The following GNAS variants were observed in gnomAD, a reference collection of about 807,000 sequenced individuals.
GNAS encodes protein ALEX.
In GNAS, 8 loss-of-function variants were observed where a neutral mutation model predicts 54.5. The ratio of observed to expected loss-of-function variants is 0.15; its 90% CI spans 0.09 to 0.26. The LOEUF (loss-of-function observed/expected upper bound fraction) is 0.26, where lower values mean the gene tolerates loss of function less well. Ranked by LOEUF, GNAS falls within the 10% of genes least tolerant of loss-of-function variation. GNAS has a pLI of 1.00. For missense variants in GNAS, 170 were observed against 529.8 expected (o/e 0.32, Z 6.67); for synonymous variants, 204 against 191.4 (o/e 1.07, Z -0.54).
Position 58,863,157 on chromosome 20 carries a change from C to T in GNAS, c.43+22271C>T, listed in dbSNP as rs374398933. Reference sequence around the variant, plus strand: ...GCTCTTTGAGCACACACGAGTCACACACCTTTCAAGTTAGAATCAGTGGAG... The same window carrying T: ...GCTCTTTGAGCACACACGAGTCACATACCTTTCAAGTTAGAATCAGTGGAG... On this transcript the variant is annotated intron_variant, in intron 1 of 12. Coordinates refer to the GNAS transcript ENST00000306090. This position sits in a 1 kb window ranked among gnomAD's most constrained non-coding sequence, Gnocchi z 4.1. Among the ~76,000 whole-genome samples the T allele has an allele frequency of 6.6e-6, 1 of 152,138 alleles. No homozygotes were observed. Among genetic ancestry groups the T allele is most frequent in the East Asian group, 1.9e-4 (1 of 5,190 alleles).
At position 58,910,520 on chromosome 20, in the gene GNAS, C is replaced by T; in HGVS notation, c.1038+119C>T. The T allele has an allele frequency of 8.8e-7, 1 of 1,130,306 alleles. No individual in the cohort carries two copies. Among genetic ancestry groups the T allele is most frequent in the South Asian group, 1.3e-5 (1 of 79,658 alleles). The allele number at this position is 1,130,306 out of a possible 1,614,324, so 70.0% of individuals were successfully genotyped here. ...CCCAGTTCCATGGTTTTAGTTCACG[C>T]ACATCCAGTGTGGATTTGAGCTCTT... On this transcript the variant is annotated intron_variant, in intron 12 of 12. Transcript: ENST00000371085. The surrounding 1 kb of genome is among the most constrained non-coding windows in gnomAD (Gnocchi z 5.8).
At chr20:58,865,282 G>A (rs1238242444) in intron 1 of GNAS, among the ~76,000 whole-genome samples, 1 of 151,624 alleles carries the variant, frequency 6.6e-6, no homozygotes, top group East Asian at 2.0e-4. Flanking sequence ...GCCGGGCGTG[G>A]TGGCGGGCAC....
At chr20:58,851,538 T>G (rs909404534) in intron 1 of GNAS, among the ~76,000 whole-genome samples, 6 of 151,760 alleles carry the variant, frequency 4.0e-5, no homozygotes, top group Admixed American at 2.0e-4. Context: ...ACCTGCCGAG[T>G]TTTATGTGAC....
intron 1 of GNAS, among the ~76,000 whole-genome samples, chr20:58,849,751 C>T (rs2086081172): frequency 1.3e-5 from 2 of 152,280 alleles, no homozygotes; most frequent in East Asian, 3.9e-4. Context: ...TCTTGAGTGC[C>T]GTCCTTCAGC....
At position 58,881,426 on chromosome 20, in the gene GNAS, A is replaced by T. The variant is rs191166190; in HGVS notation, c.44-14186A>T. On this transcript the variant is annotated intron_variant, in intron 1 of 12. Transcript: ENST00000306090. ...CCTTTGCTACCAGTGGAAGGGATTG[A>T]GGAAAGCTTCCTCTGTGATAAGTCT... is the stretch of plus-strand genomic sequence containing the variant. Among the ~76,000 whole-genome samples the T allele has an allele frequency of 2.0e-5, 3 of 152,306 alleles. No individual in the cohort carries two copies. In the East Asian group the frequency reaches 5.8e-4, roughly 29 times the overall value.
At chr20:58,879,500 A>G (rs1012963593) in intron 1 of GNAS, among the ~76,000 whole-genome samples, 1 of 152,224 alleles carries the variant, frequency 6.6e-6, no homozygotes, top group Non-Finnish European at 1.5e-5. Context: ...CAAAAGTTCA[A>G]TCGTGAAAAA....
Position 58,841,914 on chromosome 20 carries a change from C to T in GNAS, c.43+1028C>T. 8.2e-7 allele frequency: 1 copy of T among 1,220,368 alleles called. No homozygotes were observed. Among genetic ancestry groups the T allele is most frequent in the Non-Finnish European group, 1.0e-6 (1 of 977,558 alleles). 75.6% of individuals were successfully genotyped at this position (1,220,368 alleles called of 1,614,324 possible). On this transcript the variant is annotated intron_variant, in intron 1 of 12. Coordinates refer to the GNAS transcript ENST00000306090. This position sits in a 1 kb window ranked among gnomAD's most constrained non-coding sequence, Gnocchi z 5.0. ...AGGGACAGGCTGGAGACGGGGGTCG[C>T]GTCTAACATCAGGATAACTTACAAT...
intron 1 of GNAS, among the ~76,000 whole-genome samples, chr20:58,875,219 G>A (rs1389384010): frequency 6.6e-6 from 1 of 152,194 alleles, no homozygotes; most frequent in Non-Finnish European, 1.5e-5. Flanking sequence ...AAGAATGCCT[G>A]AATTTTGTGT....
At chr20:58,854,109 G>A in intron 1 of GNAS, 3 of 1,612,242 alleles carry the variant, frequency 1.9e-6, no homozygotes, top group Non-Finnish European at 2.5e-6. Context: ...AGGCGCCATC[G>A]GCAGCCCATC....
chr20:58,853,537 A>C lies in GNAS; in HGVS notation c.43+12651A>C, dbSNP rs749767510. On this transcript the variant is annotated intron_variant, in intron 1 of 12. Coordinates refer to the GNAS transcript ENST00000306090. The surrounding 1 kb of genome is among the most constrained non-coding windows in gnomAD (Gnocchi z 4.4). Reference sequence around the variant, plus strand: ...CCGGCATTCAGGGAAGCTGGAGCCCATGGAAGCTACAGCCCACCTCCTGAG... The same window carrying C: ...CCGGCATTCAGGGAAGCTGGAGCCCCTGGAAGCTACAGCCCACCTCCTGAG... 1.2e-6 allele frequency: 2 copies of C among 1,613,248 alleles called. No homozygotes were observed. Among genetic ancestry groups the C allele is most frequent in the Middle Eastern group, 1.6e-4 (1 of 6,062 alleles).
At chr20:58,855,218 A>T in intron 1 of GNAS, 1 of 1,598,708 alleles carries the variant, frequency 6.3e-7, no homozygotes, top group Non-Finnish European at 8.5e-7. Context: ...TGCGCAAAGA[A>T]GCCCTGGAGA....
chr20:58,860,655 G>T (rs1008529356), intron 1 of GNAS, among the ~76,000 whole-genome samples: 1 of 151,834 alleles, frequency 6.6e-6, no homozygotes, highest in South Asian at 2.1e-4. Flanking sequence ...ATGCAGGAAG[G>T]TTAGTTGTTG....
chr20:58,907,482 T>A (rs894256717), intron 6 of GNAS, among the ~76,000 whole-genome samples: 4 of 152,128 alleles, frequency 2.6e-5, no homozygotes, highest in African/African-American at 9.7e-5. Flanking sequence ...AGTCAGAAGT[T>A]AAGTACAGGT....
upstream of GNAS, chr20:58,840,730 G>T (rs1172235267): frequency 6.2e-7 from 1 of 1,604,564 alleles, no homozygotes; most frequent in Admixed American, 1.7e-5. This position sits in a 1 kb window ranked among gnomAD's most constrained non-coding sequence, Gnocchi z 6.0. Flanking sequence ...AAGAGTCGAA[G>T]GAGCCCAAGG....
Position 58,898,981 on chromosome 20 carries a change from G to A in GNAS, c.253G>A (p.Asp85Asn), listed in dbSNP as rs750429818. Reference protein sequence around the residue: ...EDPQAARSNSDGEKATKVQDI... With the variant: ...EDPQAARSNSNGEKATKVQDI... ...CCCGCAGGCTGCAAGGAGCAACAGC[G>A]ATGGGTAGGCACATTCAAAACCAGA... The change falls in exon 3 of 13, where the codon GAT becomes AAT. Residue 85 changes from aspartate (D) to asparagine (N), a missense_variant. Transcript: ENST00000371085. 6.2e-7 allele frequency: 1 copy of A among 1,612,494 alleles called. No individual in the cohort carries two copies. Among genetic ancestry groups the A allele is most frequent in the Non-Finnish European group, 8.5e-7 (1 of 1,178,508 alleles).
chr20:58,887,276 T>C (rs141172801), upstream of GNAS, among the ~76,000 whole-genome samples: 195 of 152,376 alleles, frequency 1.3e-3, no homozygotes, highest in African/African-American at 4.2e-3. Context: ...GGAAGGAAGA[T>C]GCTTTTGAAC....
intron 5 of GNAS, among the ~76,000 whole-genome samples, chr20:58,904,090 C>A (rs1205287737): frequency 1.3e-5 from 2 of 152,206 alleles, no homozygotes; most frequent in Non-Finnish European, 1.5e-5. Flanking sequence ...TACAATCTCA[C>A]TTTATTAGAT....
At position 58,855,210 on chromosome 20, in the gene GNAS, C is replaced by A; in HGVS notation, c.43+14324C>A. ...CCTGGCGGAGAAGCGCAGACAGATGCGCAAAGAAGCCCTGGAGAAGCGGGC... is the reference window on the plus strand; with the variant it reads ...CCTGGCGGAGAAGCGCAGACAGATGAGCAAAGAAGCCCTGGAGAAGCGGGC... On this transcript the variant is annotated intron_variant, in intron 1 of 12. Transcript: ENST00000306090. The A allele has an allele frequency of 1.3e-6, 2 of 1,599,910 alleles. No homozygotes were observed. Among genetic ancestry groups the A allele is most frequent in the Non-Finnish European group, 1.7e-6 (2 of 1,173,274 alleles).
At chr20:58,852,888 G>A (rs2086240485) in intron 1 of GNAS, 1 of 426,146 alleles carries the variant, frequency 2.3e-6, no homozygotes, top group Non-Finnish European at 3.4e-6. Flanking sequence ...GAGAGAGAGC[G>A]CTACTGGCGA....
Sources: allele counts gnomAD v4.1 joint callset (sites outside exome capture counted in the v4.1 genomes callset), GRCh38; gene constraint gnomAD v4.1.1; non-coding constraint Gnocchi (gnomAD v3.1); transcripts MANE v1.5; gene names NCBI Gene and HGNC (gene_info 2026-07-23, HGNC 2026-07-21).